Variants in CACNA1C observed in about 807,000 individuals in gnomAD.
CACNA1C encodes the protein calcium voltage-gated channel subunit alpha1 C, also known as voltage-dependent L-type calcium channel subunit alpha-1C.
In CACNA1C, 30 loss-of-function variants were observed where a neutral mutation model predicts 229.0. The ratio of observed to expected loss-of-function variants is 0.13; its 90% CI spans 0.10 to 0.18. The LOEUF (loss-of-function observed/expected upper bound fraction) is 0.18, where lower values mean the gene tolerates loss of function less well. Among genes scored for constraint, CACNA1C ranks in the 10% least tolerant of loss-of-function variants. CACNA1C has a pLI of 1.00. For missense variants in CACNA1C, 1,658 were observed against 2,845.0 expected (o/e 0.58, Z 9.49); for synonymous variants, 1,114 against 1,132.5 (o/e 0.98, Z 0.33).
intron 3 of CACNA1C, among the ~76,000 whole-genome samples, chr12:2,448,474 C>G (rs920340819): frequency 3.3e-5 from 5 of 152,176 alleles, no homozygotes; most frequent in Non-Finnish European, 7.4e-5. Flanking sequence ...TTTGTGGCTG[C>G]ATTTTTGCTC....
intron 3 of CACNA1C, among the ~76,000 whole-genome samples, chr12:2,324,517 G>A (rs932635789): frequency 2.6e-5 from 4 of 152,194 alleles, no homozygotes; most frequent in Non-Finnish European, 2.9e-5. Context: ...CCTGGGTCCC[G>A]CGCTTGCACT....
chr12:2,025,444 C>G (rs1450532835), intron 1 of CACNA1C, among the ~76,000 whole-genome samples: 1 of 152,110 alleles, frequency 6.6e-6, no homozygotes, highest in Non-Finnish European at 1.5e-5. Flanking sequence ...CCCGTTCCAG[C>G]TCTGCACTCT....
At chr12:2,516,820 C>G (rs1196395285) in intron 9 of CACNA1C, among the ~76,000 whole-genome samples, 1 of 152,164 alleles carries the variant, frequency 6.6e-6, no homozygotes, top group Non-Finnish European at 1.5e-5. Context: ...AGGAATGAAC[C>G]TCTCCAGGAG....
chr12:2,606,622 C>T lies in CACNA1C; in HGVS notation c.3168C>T (p.Tyr1056=), dbSNP rs1344307413. Residue 1056 remains tyrosine (Y), a synonymous_variant, in exon 25 of 47, where the codon TAC becomes TAT. Coordinates refer to ENST00000399655, the MANE Select transcript of CACNA1C (RefSeq NM_000719.7). ...TCTCTGCCTTCCAGGGAAAGCTGTACACCTGTTCAGACAGTTCCAAGCAGA... is the reference window on the plus strand; with the variant it reads ...TCTCTGCCTTCCAGGGAAAGCTGTATACCTGTTCAGACAGTTCCAAGCAGA... ...IGVQLFKGKL[Y]TCSDSSKQTE... is the part of the protein sequence containing the mutation. 1.9e-6 allele frequency: 3 copies of T among 1,607,494 alleles called. No individual in the cohort carries two copies. Among genetic ancestry groups the T allele is most frequent in the East Asian group, 2.2e-5 (1 of 44,704 alleles).
intron 3 of CACNA1C, among the ~76,000 whole-genome samples, chr12:2,227,584 T>C (rs913449694): frequency 1.4e-4 from 22 of 152,346 alleles, no homozygotes; most frequent in African/African-American, 5.0e-4. Flanking sequence ...CAAAGCCTCT[T>C]TATCTGTTCA....
chr12:2,006,504 T>G (rs2043491036), intron 1 of CACNA1C, among the ~76,000 whole-genome samples: 1 of 152,238 alleles, frequency 6.6e-6, no homozygotes, highest in African/African-American at 2.4e-5. Context: ...TCTAAACCAT[T>G]TATCTAGCAT....
chr12:2,100,492 A>C (rs907985291), intron 1 of CACNA1C, among the ~76,000 whole-genome samples: 6 of 125,120 alleles, frequency 4.8e-5, no homozygotes, highest in East Asian at 2.4e-4. Flanking sequence ...AAAAAAAAAA[A>C]CAACAAAAAT....
chr12:2,690,857 A>C, intron 46 of CACNA1C, 43 bp from the exon 47 acceptor site: 3 of 1,491,128 alleles, frequency 2.0e-6, no homozygotes, highest in Non-Finnish European at 2.7e-6. Flanking sequence ...CTCCAGGAGT[A>C]ATGTTCCTTT....
At chr12:2,052,343 A>G (rs1255165557), upstream of CACNA1C, among the ~76,000 whole-genome samples, 1 of 151,828 alleles carries the variant, frequency 6.6e-6, no homozygotes, top group African/African-American at 2.4e-5. Context: ...TGTCACTTCT[A>G]CAACCGCTCT....
At chr12:2,126,096 G>A (rs2089917923) in intron 3 of CACNA1C, among the ~76,000 whole-genome samples, 1 of 151,998 alleles carries the variant, frequency 6.6e-6, no homozygotes, top group African/African-American at 2.4e-5. Flanking sequence ...CTGTTTCCAA[G>A]AGATGAAAAG....
chr12:2,285,892 G>A lies in CACNA1C; in HGVS notation c.478-163084G>A, dbSNP rs531613447. ...GTTCAGCCGTTTTCCACTGAAGATA[G>A]GGATTCTTCAAACTGCACAGCTTTT... On this transcript the variant is annotated intron_variant, in intron 3 of 46. Coordinates refer to ENST00000399655, the MANE Select transcript of CACNA1C (RefSeq NM_000719.7). This position sits in a 1 kb window ranked among gnomAD's most constrained non-coding sequence, Gnocchi z 4.2. Among the ~76,000 whole-genome samples, 30 of 152,312 alleles carry A rather than the reference G, an allele frequency of 2.0e-4. No individual in the cohort carries two copies. The highest frequency in any genetic ancestry group is 7.0e-4 in the African/African-American group (29 of 41,572).
intron 18 of CACNA1C, among the ~76,000 whole-genome samples, chr12:2,590,822 A>G (rs993926931): frequency 6.6e-6 from 1 of 152,252 alleles, no homozygotes; most frequent in Non-Finnish European, 1.5e-5. Flanking sequence ...TCAAATTATC[A>G]TGAAGAAGAA....
chr12:2,272,721 G>A (rs953053469), intron 3 of CACNA1C, among the ~76,000 whole-genome samples: 43 of 152,272 alleles, frequency 2.8e-4, no homozygotes, highest in African/African-American at 1.0e-3. Flanking sequence ...GCATTGTGCC[G>A]TGAGATGACA....
intron 3 of CACNA1C, among the ~76,000 whole-genome samples, chr12:2,391,044 G>C (rs139654153): frequency 3.3e-5 from 5 of 152,290 alleles, no homozygotes; most frequent in Non-Finnish European, 7.3e-5. Flanking sequence ...AACCCTAAGA[G>C]AGCATTTGGC....
chr12:1,986,651 T>A (rs1282840279), intron 1 of CACNA1C, among the ~76,000 whole-genome samples: 1 of 121,948 alleles, frequency 8.2e-6, no homozygotes, highest in East Asian at 2.5e-4. Context: ...AAGAGGAGTT[T>A]CTCTCAGGTT....
At chr12:2,432,706 A>C (rs1403733503) in intron 3 of CACNA1C, among the ~76,000 whole-genome samples, 1 of 152,212 alleles carries the variant, frequency 6.6e-6, no homozygotes, top group Non-Finnish European at 1.5e-5. Context: ...GTAAATAAGC[A>C]TCATTACCAC....
intron 5 of CACNA1C, among the ~76,000 whole-genome samples, chr12:2,478,199 C>T (rs762431977): frequency 9.9e-5 from 15 of 152,158 alleles, no homozygotes; most frequent in Admixed American, 2.6e-4. Context: ...AAGATAGTCT[C>T]TCCCTCTCCT....
At chr12:2,136,173 C>G (rs898083545) in intron 3 of CACNA1C, among the ~76,000 whole-genome samples, 4 of 151,312 alleles carry the variant, frequency 2.6e-5, no homozygotes, top group Non-Finnish European at 3.0e-5. Context: ...GCTCGCGCAC[C>G]CACTGGCCTG....
chr12:2,187,597 AGGCAAG>A (rs907777152), intron 3 of CACNA1C, among the ~76,000 whole-genome samples: 1 of 152,214 alleles, frequency 6.6e-6, no homozygotes, highest in Admixed American at 6.5e-5. Context: ...TGATTCTTCC[AGGCAAG>A]GGTGAAGAGA....
Sources: allele counts gnomAD v4.1 joint callset (sites outside exome capture counted in the v4.1 genomes callset), GRCh38; gene constraint gnomAD v4.1.1; non-coding constraint Gnocchi (gnomAD v3.1); transcripts MANE v1.5; gene names NCBI Gene and HGNC (gene_info 2026-07-23, HGNC 2026-07-21).